Variants in STXBP4 observed in about 807,000 individuals in gnomAD.
The protein encoded by STXBP4 is syntaxin-binding protein 4.
A neutral mutation model predicts 76.1 loss-of-function variants in STXBP4; 55 were observed. The ratio of observed to expected loss-of-function variants is 0.72; its 90% CI spans 0.58 to 0.91. The LOEUF is 0.91. Ranked by LOEUF, STXBP4 falls within the 40% of genes least tolerant of loss-of-function variation. The probability of loss-of-function intolerance (pLI) is 0.00; values close to 1 mark genes in which losing one functional copy is unlikely to be tolerated. For synonymous variants in STXBP4, 201 were observed against 220.2 expected, an observed-to-expected ratio of 0.91 and a Z score of 0.77; for missense variants, 618 against 636.9, an observed-to-expected ratio of 0.97 and a Z score of 0.32.
intron 8 of STXBP4, among the ~76,000 whole-genome samples, chr17:55,029,071 G>A (rs1159852841): frequency 2.0e-5 from 3 of 151,674 alleles, no homozygotes. Context: ...GCAGATTGGA[G>A]TAGTTATAAA....
chr17:55,149,317 G>A (rs1438849231), intron 17 of STXBP4, among the ~76,000 whole-genome samples: 1 of 151,880 alleles, frequency 6.6e-6, no homozygotes, highest in African/African-American at 2.4e-5. Context: ...GCAGTCTGCG[G>A]AAGCAATTGA....
chr17:55,043,760 T>A, intron 11 of STXBP4: 1 of 976,648 alleles, frequency 1.0e-6, no homozygotes, highest in Non-Finnish European at 1.5e-6. Flanking sequence ...GAATTAATAT[T>A]ATTTTAGAGA....
At chr17:55,154,057 T>C (rs2145182616) in intron 17 of STXBP4, among the ~76,000 whole-genome samples, 1 of 152,290 alleles carries the variant, frequency 6.6e-6, no homozygotes, top group Non-Finnish European at 1.5e-5. Flanking sequence ...AGTGACTTCA[T>C]GCTCACAAAT....
chr17:55,100,923 G>A (rs1328330914), intron 16 of STXBP4, among the ~76,000 whole-genome samples: 2 of 152,142 alleles, frequency 1.3e-5, no homozygotes, highest in East Asian at 1.9e-4. Flanking sequence ...ACAAGGAGCT[G>A]AGGACAGTCT....
At chr17:55,127,818 A>G (rs374690723) in intron 16 of STXBP4, among the ~76,000 whole-genome samples, 2 of 152,196 alleles carry the variant, frequency 1.3e-5, no homozygotes, top group South Asian at 2.1e-4. Flanking sequence ...GATTGTTAAC[A>G]GATTTTCAGA....
chr17:55,084,889 G>T (rs528187120), intron 16 of STXBP4, among the ~76,000 whole-genome samples: 32 of 152,192 alleles, frequency 2.1e-4, no homozygotes, highest in Admixed American at 1.1e-3. Flanking sequence ...AAATCATGCT[G>T]CTATAAAGAC....
At chr17:55,025,797 C>T (rs1026929144) in intron 8 of STXBP4, among the ~76,000 whole-genome samples, 1 of 152,050 alleles carries the variant, frequency 6.6e-6, no homozygotes, top group African/African-American at 2.4e-5. Flanking sequence ...GATAATTAGA[C>T]AAGAAAAAGA....
intron 12 of STXBP4, among the ~76,000 whole-genome samples, chr17:55,048,607 T>C (rs190071857): frequency 2.7e-5 from 4 of 147,486 alleles, no homozygotes; most frequent in Admixed American, 1.4e-4. Context: ...ATAGTAATAA[T>C]AGATATTGAT....
At chr17:55,013,099 T>G (rs1460553319) in intron 8 of STXBP4, among the ~76,000 whole-genome samples, 1 of 152,232 alleles carries the variant, frequency 6.6e-6, no homozygotes, top group Non-Finnish European at 1.5e-5. Flanking sequence ...TTATTTTAAC[T>G]GCTTCAGATA....
intron 4 of STXBP4, among the ~76,000 whole-genome samples, chr17:54,996,034 G>T (rs901067967): frequency 2.0e-5 from 3 of 151,956 alleles, no homozygotes; most frequent in Non-Finnish European, 2.9e-5. Flanking sequence ...ATATTCTAAT[G>T]TGAGGGCAGG....
chr17:55,023,929 A>G (rs1018211993), intron 8 of STXBP4, among the ~76,000 whole-genome samples: 16 of 150,280 alleles, frequency 1.1e-4, no homozygotes, highest in Non-Finnish European at 1.9e-4. Context: ...AAAAAAAAAA[A>G]AAAAAAAAAA....
chr17:55,146,374 A>T (rs1187656289), intron 17 of STXBP4, among the ~76,000 whole-genome samples: 1 of 152,256 alleles, frequency 6.6e-6, no homozygotes, highest in East Asian at 1.9e-4. Context: ...TGGGTCTCTC[A>T]TGAAGTTGTA....
chr17:55,125,684 A>G (rs1208347351), intron 16 of STXBP4, among the ~76,000 whole-genome samples: 1 of 152,092 alleles, frequency 6.6e-6, no homozygotes, highest in Non-Finnish European at 1.5e-5. Flanking sequence ...CCTCTTAAGG[A>G]GGCTCAGTCT....
intron 13 of STXBP4, among the ~76,000 whole-genome samples, chr17:55,076,886 C>T (rs971931821): frequency 6.6e-6 from 1 of 152,182 alleles, no homozygotes; most frequent in Admixed American, 6.6e-5. Context: ...CCTCTGTTGT[C>T]AAGTTCACCC....
At chr17:55,069,211 C>G (rs565882567) in intron 12 of STXBP4, among the ~76,000 whole-genome samples, 1 of 150,104 alleles carries the variant, frequency 6.7e-6, no homozygotes, top group Non-Finnish European at 1.5e-5. Context: ...GGATTCCCTT[C>G]TAGTATGTTT....
At chr17:55,017,631 G>A (rs905823940) in intron 8 of STXBP4, among the ~76,000 whole-genome samples, 4 of 152,214 alleles carry the variant, frequency 2.6e-5, no homozygotes, top group Non-Finnish European at 4.4e-5. Flanking sequence ...AGGGGTGCAC[G>A]CATGGGCGAC....
At chr17:55,058,753 A>T (rs1246389670) in intron 12 of STXBP4, among the ~76,000 whole-genome samples, 3 of 152,140 alleles carry the variant, frequency 2.0e-5, no homozygotes. Context: ...TACGTTTCCC[A>T]GTATTTTTAT....
intron 16 of STXBP4, among the ~76,000 whole-genome samples, chr17:55,127,785 C>T (rs1240017976): frequency 6.6e-6 from 1 of 152,082 alleles, no homozygotes; most frequent in Non-Finnish European, 1.5e-5. Flanking sequence ...TTTTTTTCCA[C>T]ATTTTACCTG....
intron 8 of STXBP4, among the ~76,000 whole-genome samples, chr17:55,011,616 C>A (rs2078115102): frequency 6.8e-6 from 1 of 146,672 alleles, no homozygotes; most frequent in Non-Finnish European, 1.5e-5. Context: ...AGTTTATATC[C>A]CGATCATTGT....
Sources: gnomAD v4.1 joint callset for allele counts (sites outside exome capture counted in the v4.1 genomes callset) on GRCh38, gnomAD v4.1.1 for gene constraint, MANE v1.5 for transcripts, NCBI Gene and HGNC (gene_info 2026-07-23, HGNC 2026-07-21) for gene names.